The following SNX18 variants were observed in gnomAD, a reference collection of about 807,000 sequenced individuals.
SNX18 encodes sorting nexin 18, also known as sorting nexin-18.
Under a neutral mutation model 48.7 loss-of-function variants are expected in SNX18, and 35 were observed. The ratio of observed to expected loss-of-function variants is 0.72; its 90% confidence interval spans 0.55 to 0.95. The LOEUF (loss-of-function observed/expected upper bound fraction) is 0.95, where lower values mean the gene tolerates loss of function less well. Ranked by LOEUF, SNX18 falls within the 40% of genes least tolerant of loss-of-function variation. SNX18 has a pLI of 0.00. For missense variants in SNX18, 824 were observed against 871.0 expected, an observed-to-expected ratio of 0.95 and a Z score of 0.68; for synonymous variants, 492 against 384.7, an observed-to-expected ratio of 1.28 and a Z score of -3.26.
rs2112834048 is a variant in SNX18 at position 54,519,458 on chromosome 5, C to T, written c.1506C>T (p.Ala502=). ...CCTTCACCGGAGATGCCTATGACGC[C>T]ATTGGCGAGCTCTTCGCGGAGCAGC... ...AIAFTGDAYD[A]IGELFAEQPR... is the part of the protein sequence containing the mutation. The change falls in exon 1 of 2, where the codon GCC becomes GCT. Residue 502 remains alanine, a synonymous_variant. Transcript: ENST00000381410. 3 of 1,614,214 alleles carry T rather than the reference C, an allele frequency of 1.9e-6. No homozygotes were observed. In the South Asian group the frequency reaches 3.3e-5, roughly 18 times the overall value.
chr5:54,540,788 G>T (rs1379484998), intron 1 of SNX18, among the ~76,000 whole-genome samples: 1 of 152,036 alleles, frequency 6.6e-6, no homozygotes, highest in Non-Finnish European at 1.5e-5. Context: ...GTCAGGATCT[G>T]AGCAGGGAAG....
chr5:54,600,931 C>A, the SNX18 span, among the ~76,000 whole-genome samples: 1 of 152,140 alleles, frequency 6.6e-6, no homozygotes, highest in African/African-American at 2.4e-5. Context: ...CACTATGGCA[C>A]ACTTTTATCT....
rs2112834275 is a variant in SNX18, at chr5:54,519,557, C to T, written c.1605C>T (p.Ile535=). Residue 535 remains isoleucine (I), a synonymous_variant, in exon 1 of 2, where the codon ATC becomes ATT. Coordinates refer to ENST00000381410, the MANE Select transcript of SNX18 (RefSeq NM_001102575.2). ...GGCATCTGGCTAACTTCCCGGACAT[C>T]ATCCACGTTCAGAAAGGTAAAGCCT... ...YQGHLANFPD[I]IHVQKGALTK... 1.2e-6 allele frequency: 2 copies of T among 1,614,238 alleles called. No homozygotes were observed. The highest frequency in any genetic ancestry group is 2.2e-5 in the South Asian group (2 of 91,090).
At position 54,517,780 on chromosome 5, in the gene SNX18, G is replaced by A. The variant is rs1160337684; in HGVS notation, c.-173G>A. Reference sequence around the variant, plus strand: ...CGGCAGTCGGCGCTGCGAAGTGGAGGCGCTGCGAGCGGAGCCGCGCGGAGG... The same window carrying A: ...CGGCAGTCGGCGCTGCGAAGTGGAGACGCTGCGAGCGGAGCCGCGCGGAGG... On this transcript the variant is annotated 5_prime_UTR_variant, in exon 1 of 2. Coordinates refer to ENST00000381410, the MANE Select transcript of SNX18 (RefSeq NM_001102575.2). 5 of 504,622 alleles carry A rather than the reference G, an allele frequency of 9.9e-6. No individual in the cohort carries two copies. The highest frequency in any genetic ancestry group is 8.1e-5 in the African/African-American group (4 of 49,660). 31.3% of individuals were successfully genotyped at this position (504,622 alleles called of 1,614,324 possible). A position where few individuals can be genotyped will look rare whatever the true frequency, so the allele number is the denominator to read the frequency against.
chr5:54,633,012 A>T, the SNX18 span, among the ~76,000 whole-genome samples: 1 of 151,990 alleles, frequency 6.6e-6, no homozygotes, highest in Non-Finnish European at 1.5e-5. Context: ...TGACCTCGTG[A>T]TCTGCCCGCC....
At chr5:54,559,264 A>C in the SNX18 span, among the ~76,000 whole-genome samples, 1 of 152,240 alleles carries the variant, frequency 6.6e-6, no homozygotes, top group Middle Eastern at 3.2e-3. Context: ...CCAAAGAGCC[A>C]AGGCAATTCT....
At chr5:54,554,524 G>A in the SNX18 span, among the ~76,000 whole-genome samples, 1 of 152,210 alleles carries the variant, frequency 6.6e-6, no homozygotes, top group African/African-American at 2.4e-5. Context: ...AGTCAGTGAA[G>A]GGGCTGAAAC....
At chr5:54,606,788 T>A in the SNX18 span, among the ~76,000 whole-genome samples, 1 of 152,226 alleles carries the variant, frequency 6.6e-6, no homozygotes, top group South Asian at 2.1e-4. Flanking sequence ...AATCCATCCA[T>A]CTTTTTCAGA....
chr5:54,541,677 T>G (rs937710494), intron 1 of SNX18, among the ~76,000 whole-genome samples: 2 of 152,148 alleles, frequency 1.3e-5, no homozygotes, highest in South Asian at 4.1e-4. Flanking sequence ...CTTTGCTGCT[T>G]TTCACTTAAA....
rs377663968 is a variant in SNX18 at position 54,517,882 on chromosome 5, C to T, written c.-71C>T. 5.0e-6 allele frequency: 7 copies of T among 1,413,308 alleles called. No individual in the cohort carries two copies. In the South Asian group the frequency reaches 8.9e-5, roughly 18 times the overall value. 87.5% of individuals were successfully genotyped at this position (1,413,308 alleles called of 1,614,324 possible). On this transcript the variant is annotated 5_prime_UTR_variant, in exon 1 of 2. Coordinates refer to ENST00000381410, the MANE Select transcript of SNX18 (RefSeq NM_001102575.2). ...TCCGCGCGCCAGGGCTCGAGCAGTA[C>T]CGCGGGCCCCTCAGGTGGGCCTCGG...
chr5:54,586,951 G>A, the SNX18 span, among the ~76,000 whole-genome samples: 3 of 151,770 alleles, frequency 2.0e-5, no homozygotes, highest in African/African-American at 7.3e-5. Context: ...TGGAGAAAGA[G>A]GTGAGCACTC....
downstream of SNX18, among the ~76,000 whole-genome samples, chr5:54,547,757 C>T (rs1762597287): frequency 6.6e-6 from 1 of 152,178 alleles, no homozygotes; most frequent in Non-Finnish European, 1.5e-5. Flanking sequence ...CAACTTTCAC[C>T]TCCATGCAGT....
chr5:54,566,407 T>C, the SNX18 span, among the ~76,000 whole-genome samples: 1 of 152,200 alleles, frequency 6.6e-6, no homozygotes. Context: ...ATTTAATGAT[T>C]AAATGCCAGC....
At chr5:54,535,484 T>C (rs1236263237) in intron 1 of SNX18, among the ~76,000 whole-genome samples, 3 of 152,208 alleles carry the variant, frequency 2.0e-5, no homozygotes, top group Non-Finnish European at 4.4e-5. Context: ...AATTTTCCTT[T>C]TAACTCTCAA....
the SNX18 span, among the ~76,000 whole-genome samples, chr5:54,574,489 C>A: frequency 6.6e-6 from 1 of 152,150 alleles, no homozygotes; most frequent in East Asian, 1.9e-4. Flanking sequence ...CTATTATTGG[C>A]AAGGGAGGCT....
the SNX18 span, among the ~76,000 whole-genome samples, chr5:54,625,149 G>A: frequency 6.6e-6 from 1 of 152,150 alleles, no homozygotes; most frequent in African/African-American, 2.4e-5. Flanking sequence ...AGGCCATAGT[G>A]TGTATGAGGG....
Position 54,517,860 on chromosome 5 carries a change from G to C in SNX18, c.-93G>C, listed in dbSNP as rs2112829509. The C allele has an allele frequency of 7.7e-7, 1 of 1,299,576 alleles. No individual in the cohort carries two copies. The highest frequency in any genetic ancestry group is 3.1e-5 in the East Asian group (1 of 31,802). 80.5% of individuals were successfully genotyped at this position (1,299,576 alleles called of 1,614,324 possible). A position where few individuals can be genotyped will look rare whatever the true frequency, so the allele number is the denominator to read the frequency against. On this transcript the variant is annotated 5_prime_UTR_variant, in exon 1 of 2. Coordinates refer to ENST00000381410, the MANE Select transcript of SNX18 (RefSeq NM_001102575.2). ...TTTGCCGCCTTCGGGGCTCCAGTCC[G>C]CGCGCCAGGGCTCGAGCAGTACCGC... is the stretch of plus-strand genomic sequence containing the variant.
the SNX18 span, among the ~76,000 whole-genome samples, chr5:54,647,338 T>C: frequency 6.6e-6 from 1 of 152,212 alleles, no homozygotes; most frequent in African/African-American, 2.4e-5. Context: ...CGCCTTGGCC[T>C]CCCAAAGTGC....
At chr5:54,615,464 A>T in the SNX18 span, among the ~76,000 whole-genome samples, 3 of 152,156 alleles carry the variant, frequency 2.0e-5, no homozygotes, top group Non-Finnish European at 4.4e-5. Flanking sequence ...CTCTGTAAGG[A>T]TGTTCTACCC....
Sources: gnomAD v4.1 joint callset for allele counts (sites outside exome capture counted in the v4.1 genomes callset) on GRCh38, gnomAD v4.1.1 for gene constraint, MANE v1.5 for transcripts, NCBI Gene and HGNC (gene_info 2026-07-23, HGNC 2026-07-21) for gene names.